UNC13C: variants seen among roughly 807,000 people sequenced by gnomAD.
UNC13C encodes unc-13 homolog C, also known as protein unc-13 homolog C.
Under a neutral mutation model 245.4 loss-of-function variants are expected in UNC13C, and 174 were observed. That is an observed-to-expected ratio of 0.71 (90% CI 0.63 to 0.80). UNC13C has a LOEUF of 0.80. Among genes scored for constraint, UNC13C ranks in the 30% least tolerant of loss-of-function variants. The probability of loss-of-function intolerance (pLI) is 0.00; values close to 1 mark genes in which losing one functional copy is unlikely to be tolerated. For synonymous variants in UNC13C, 992 were observed against 895.1 expected, an observed-to-expected ratio of 1.11 and a Z score of -1.93; for missense variants, 2,829 against 2,602.9, an observed-to-expected ratio of 1.09 and a Z score of -1.89.
At chr15:54,388,815 A>G (rs1253980890) in intron 17 of UNC13C, among the ~76,000 whole-genome samples, 1 of 152,092 alleles carries the variant, frequency 6.6e-6, no homozygotes. Flanking sequence ...TTCGGCTGCC[A>G]CATATATACT....
intron 18 of UNC13C, among the ~76,000 whole-genome samples, chr15:54,413,465 C>T (rs930051565): frequency 6.6e-6 from 1 of 151,934 alleles, no homozygotes; most frequent in African/African-American, 2.4e-5. Context: ...TCAAATGAAA[C>T]CTTTTGAAAT....
chr15:54,437,766 C>T (rs1467111245), intron 19 of UNC13C, among the ~76,000 whole-genome samples: 1 of 151,836 alleles, frequency 6.6e-6, no homozygotes, highest in Non-Finnish European at 1.5e-5. Context: ...TGTTTGAACC[C>T]ATATATGCAG....
chr15:54,339,743 A>G (rs12899591), intron 17 of UNC13C, among the ~76,000 whole-genome samples: 2,878 of 152,144 alleles, frequency 0.019, 40 homozygotes, highest in Non-Finnish European at 0.03. Context: ...TTGTGCTGCT[A>G]TAAACCTGCA....
At chr15:53,986,837 A>G (rs940110869) in intron 1 of UNC13C, among the ~76,000 whole-genome samples, 3 of 152,056 alleles carry the variant, frequency 2.0e-5, no homozygotes, top group Admixed American at 6.6e-5. Context: ...TGTTAATGCA[A>G]ATAAATTTGT....
intron 18 of UNC13C, among the ~76,000 whole-genome samples, chr15:54,401,826 C>T (rs1230249400): frequency 2.0e-5 from 3 of 152,092 alleles, no homozygotes. Flanking sequence ...ACTCCAGGGG[C>T]TGTTTGACTC....
At chr15:53,875,614 T>C in the UNC13C span, among the ~76,000 whole-genome samples, 1 of 152,178 alleles carries the variant, frequency 6.6e-6, no homozygotes, top group African/African-American at 2.4e-5. Context: ...GAGGATGATG[T>C]ATCTGATAGT....
chr15:54,144,612 C>T (rs1384682037), intron 4 of UNC13C, among the ~76,000 whole-genome samples: 1 of 152,142 alleles, frequency 6.6e-6, no homozygotes, highest in Non-Finnish European at 1.5e-5. Flanking sequence ...CCTGTAATCT[C>T]AATTTACATG....
At chr15:53,999,877 A>G (rs1159772232) in intron 1 of UNC13C, among the ~76,000 whole-genome samples, 1 of 151,948 alleles carries the variant, frequency 6.6e-6, no homozygotes, top group Non-Finnish European at 1.5e-5. Context: ...ATTGTTTTTT[A>G]AATGTCTTTT....
intron 1 of UNC13C, among the ~76,000 whole-genome samples, chr15:53,979,337 C>T (rs536982970): frequency 6.4e-5 from 8 of 124,594 alleles, no homozygotes; most frequent in African/African-American, 1.8e-4. Context: ...ATGTCATACA[C>T]TAGTGTGTCA....
the UNC13C span, among the ~76,000 whole-genome samples, chr15:53,868,598 C>T: frequency 1.1e-5 from 1 of 89,394 alleles, no homozygotes; most frequent in African/African-American, 4.2e-5. Flanking sequence ...AATGCCCTGT[C>T]CACAAAAAGT....
chr15:54,011,130 A>G (rs980725136), intron 1 of UNC13C, among the ~76,000 whole-genome samples: 3 of 152,100 alleles, frequency 2.0e-5, no homozygotes, highest in Non-Finnish European at 2.9e-5. Context: ...TTACTGGGGC[A>G]TGAAAGAGTG....
intron 2 of UNC13C, among the ~76,000 whole-genome samples, chr15:54,101,645 ATC>A (rs1377877918): frequency 6.6e-6 from 1 of 151,718 alleles, no homozygotes. Context: ...CAGTGGCACT[ATC>A]TCTGCTCACC....
chr15:54,360,509 T>A (rs1370608763), intron 17 of UNC13C, among the ~76,000 whole-genome samples: 1 of 152,164 alleles, frequency 6.6e-6, no homozygotes, highest in Non-Finnish European at 1.5e-5. Context: ...TTTAAAATTC[T>A]TGTGTCTGCT....
At chr15:54,379,862 T>A (rs1437128271) in intron 17 of UNC13C, among the ~76,000 whole-genome samples, 1 of 152,184 alleles carries the variant, frequency 6.6e-6, no homozygotes, top group Non-Finnish European at 1.5e-5. Context: ...TATTTTTTAG[T>A]TGAAAGATAA....
At position 54,013,613 on chromosome 15, in the gene UNC13C, G is replaced by A; in HGVS notation, c.710G>A (p.Ser237Asn). Reference protein sequence around the residue: ...EPGFSSSGCISQTHDVMEMIF... With the variant: ...EPGFSSSGCINQTHDVMEMIF... ...GGGTTCAGTTCCTCTGGCTGCATTA[G>A]CCAAACACATGATGTCATGGAAATG... Residue 237 changes from serine (S) to asparagine (N), a missense_variant, in exon 2 of 33, where the codon AGC (serine) becomes AAC (asparagine). Ser to Asn is a conservative substitution (Grantham distance 46). Coordinates refer to ENST00000260323, the MANE Select transcript of UNC13C (RefSeq NM_001080534.3). 1.2e-6 allele frequency: 2 copies of A among 1,613,644 alleles called. No individual in the cohort carries two copies. The highest frequency in any genetic ancestry group is 1.7e-6 in the Non-Finnish European group (2 of 1,179,742).
chr15:54,349,351 T>C (rs2038929722), intron 17 of UNC13C, among the ~76,000 whole-genome samples: 1 of 151,652 alleles, frequency 6.6e-6, no homozygotes, highest in African/African-American at 2.4e-5. Flanking sequence ...TATCACTATA[T>C]GCTTTAATTT....
chr15:54,288,309 C>A (rs1177119278), intron 10 of UNC13C, among the ~76,000 whole-genome samples: 4 of 152,002 alleles, frequency 2.6e-5, no homozygotes, highest in Admixed American at 2.0e-4. Context: ...TATGGGTAAA[C>A]CTTCTTTGCT....
chr15:54,124,459 A>T (rs947401275), intron 2 of UNC13C, among the ~76,000 whole-genome samples: 1 of 152,168 alleles, frequency 6.6e-6, no homozygotes, highest in African/African-American at 2.4e-5. Flanking sequence ...AACTGTCTGT[A>T]TCTTTTGCCA....
chr15:54,584,887 C>T (rs1457776609), intron 30 of UNC13C, among the ~76,000 whole-genome samples: 1 of 152,160 alleles, frequency 6.6e-6, no homozygotes, highest in Non-Finnish European at 1.5e-5. Context: ...CCAAATTCTT[C>T]CAACTGTAAG....
Sources: gnomAD v4.1 joint callset for allele counts (sites outside exome capture counted in the v4.1 genomes callset) on GRCh38, gnomAD v4.1.1 for gene constraint, MANE v1.5 for transcripts, NCBI Gene and HGNC (gene_info 2026-07-23, HGNC 2026-07-21) for gene names.